Variants in ADK observed in about 807,000 individuals in gnomAD.
The protein encoded by ADK is adenosine kinase.
Under a neutral mutation model 44.7 loss-of-function variants are expected in ADK, and 24 were observed. That is an observed-to-expected ratio of 0.54 (90% CI 0.39 to 0.76). The LOEUF is 0.76. Ranked by LOEUF, ADK falls within the 30% of genes least tolerant of loss-of-function variation. The pLI, the probability that ADK is intolerant of heterozygous loss-of-function variation, is 0.00. For synonymous variants in ADK, 128 were observed against 142.6 expected, an observed-to-expected ratio of 0.90 and a Z score of 0.73; for missense variants, 321 against 425.1, an observed-to-expected ratio of 0.76 and a Z score of 2.15.
At chr10:74,214,681 G>A (rs1395331383) in intron 2 of ADK, among the ~76,000 whole-genome samples, 2 of 152,188 alleles carry the variant, frequency 1.3e-5, no homozygotes, top group Non-Finnish European at 2.9e-5. Flanking sequence ...TGAATAAAAA[G>A]TGTTTGTTTC....
intron 6 of ADK, among the ~76,000 whole-genome samples, chr10:74,480,040 C>T (rs894880945): frequency 2.0e-5 from 3 of 151,974 alleles, no homozygotes; most frequent in African/African-American, 7.2e-5. Context: ...TCAGGAAAGG[C>T]GTATGTGTAC....
intron 6 of ADK, among the ~76,000 whole-genome samples, chr10:74,406,767 G>C (rs889345220): frequency 6.6e-6 from 1 of 150,980 alleles, no homozygotes; most frequent in South Asian, 2.1e-4. Flanking sequence ...TGCAACCCCC[G>C]CCTCCTGGGT....
chr10:74,229,950 G>C (rs555703608), intron 3 of ADK, among the ~76,000 whole-genome samples: 2 of 151,962 alleles, frequency 1.3e-5, no homozygotes, highest in African/African-American at 4.8e-5. Context: ...GAGGTGGGAG[G>C]ATTGCTTGAG....
At chr10:74,456,881 A>G (rs1845969085) in intron 6 of ADK, among the ~76,000 whole-genome samples, 1 of 152,142 alleles carries the variant, frequency 6.6e-6, no homozygotes. Context: ...GAAAACTGGA[A>G]AGATCTAAAA....
intron 1 of ADK, among the ~76,000 whole-genome samples, chr10:74,157,267 G>A (rs965574927): frequency 6.6e-6 from 1 of 152,084 alleles, no homozygotes; most frequent in South Asian, 2.1e-4. Context: ...ATAAACACAC[G>A]AGGAAGACCA....
intron 9 of ADK, among the ~76,000 whole-genome samples, chr10:74,616,771 A>G (rs1852774784): frequency 6.6e-6 from 1 of 152,154 alleles, no homozygotes; most frequent in African/African-American, 2.4e-5. Context: ...ATTCCTTACT[A>G]GAGTTTTTTC....
chr10:74,501,229 G>A (rs1847874279), intron 6 of ADK, among the ~76,000 whole-genome samples: 1 of 152,166 alleles, frequency 6.6e-6, no homozygotes, highest in Admixed American at 6.5e-5. Flanking sequence ...GTTCTGTTAA[G>A]TTAAAACAGT....
chr10:74,463,043 A>G (rs1846224613), intron 6 of ADK, among the ~76,000 whole-genome samples: 1 of 152,068 alleles, frequency 6.6e-6, no homozygotes, highest in East Asian at 1.9e-4. Context: ...AATAAGCTAA[A>G]GTTCTTGAGA....
At chr10:74,162,282 G>A (rs540721942) in intron 1 of ADK, among the ~76,000 whole-genome samples, 31 of 152,266 alleles carry the variant, frequency 2.0e-4, no homozygotes, top group Non-Finnish European at 4.0e-4. Flanking sequence ...GCCTCCCAAA[G>A]TGCTGGGATT....
rs372969626 is a variant in ADK at position 74,333,630 on chromosome 10, TGA to T, written c.273+18891_273+18892del. On this transcript the variant is annotated intron_variant, in intron 4 of 10. Coordinates refer to ENST00000539909, the MANE Select transcript of ADK (RefSeq NM_006721.4). ...GTTATTTTATTTTTGATATCTTGAT[TGA>T]GAGAGCTGAAAGGCAACAGTAAGCT... is the stretch of plus-strand genomic sequence containing the variant. 3.1e-3 allele frequency among the ~76,000 whole-genome samples: 479 copies of T among 152,296 alleles called. 7 individuals are homozygous for T. The highest frequency in any genetic ancestry group is 0.018 in the East Asian group (93 of 5,192).
intron 2 of ADK, among the ~76,000 whole-genome samples, chr10:74,212,174 A>G (rs1843839231): frequency 6.6e-6 from 1 of 152,216 alleles, no homozygotes; most frequent in African/African-American, 2.4e-5. Flanking sequence ...ATGAACACAG[A>G]CTACTTTCCT....
At chr10:74,590,711 T>C (rs979424708) in intron 8 of ADK, among the ~76,000 whole-genome samples, 2 of 152,174 alleles carry the variant, frequency 1.3e-5, no homozygotes, top group Non-Finnish European at 2.9e-5. Flanking sequence ...GGTGGGTTTT[T>C]TTCTAATTTA....
chr10:74,668,079 TA>T (rs141621514), intron 9 of ADK, among the ~76,000 whole-genome samples: 230 of 152,334 alleles, frequency 1.5e-3, no homozygotes, highest in African/African-American at 5.1e-3. Context: ...TTACATAATG[TA>T]AATGTATTGT....
At chr10:74,218,518 C>T (rs557478807) in intron 2 of ADK, among the ~76,000 whole-genome samples, 8 of 152,124 alleles carry the variant, frequency 5.3e-5, no homozygotes, top group South Asian at 2.1e-4. Context: ...ATACAGAGAA[C>T]GCCACAAAGA....
intron 3 of ADK, among the ~76,000 whole-genome samples, chr10:74,249,407 A>G (rs747988152): frequency 2.2e-4 from 34 of 151,848 alleles, no homozygotes; most frequent in South Asian, 6.2e-4. Context: ...CTATGCTTCT[A>G]TTTTTCTCTG....
rs368341021 is a variant in ADK at position 74,239,683 on chromosome 10, T to C, written c.194+15092T>C. On this transcript the variant is annotated intron_variant, in intron 3 of 10. Coordinates refer to ENST00000539909, the MANE Select transcript of ADK (RefSeq NM_006721.4). ...GTGAGCCATGATTGCGCCACTGGACTCCAGCCTGGGTGAGAAAGTGAGACC... is the reference window on the plus strand; with the variant it reads ...GTGAGCCATGATTGCGCCACTGGACCCCAGCCTGGGTGAGAAAGTGAGACC... 1.1e-4 allele frequency among the ~76,000 whole-genome samples: 13 copies of C among 123,478 alleles called. No individual in the cohort carries two copies. The East Asian group carries it at 2.5e-3, about 24-fold the overall frequency. The allele number at this position is 123,478 out of a possible 152,430, so 81.0% of individuals were successfully genotyped here.
At chr10:74,478,158 C>T (rs1846928299) in intron 6 of ADK, among the ~76,000 whole-genome samples, 2 of 152,182 alleles carry the variant, frequency 1.3e-5, no homozygotes, top group Admixed American at 6.5e-5. Context: ...ATTCTACTGC[C>T]TCAGCCTCCC....
At chr10:74,168,770 A>G (rs925003401) in intron 1 of ADK, among the ~76,000 whole-genome samples, 1 of 151,176 alleles carries the variant, frequency 6.6e-6, no homozygotes, top group African/African-American at 2.4e-5. Context: ...GTGCCACCAC[A>G]CCCGGCTAAT....
intron 4 of ADK, among the ~76,000 whole-genome samples, chr10:74,317,002 T>G (rs890673274): frequency 3.3e-5 from 5 of 152,210 alleles, no homozygotes; most frequent in Non-Finnish European, 7.3e-5. Context: ...TTGGGTAACT[T>G]ATTCTGTCAG....
Sources: allele counts gnomAD v4.1 joint callset (sites outside exome capture counted in the v4.1 genomes callset), GRCh38; gene constraint gnomAD v4.1.1; transcripts MANE v1.5; gene names NCBI Gene and HGNC (gene_info 2026-07-23, HGNC 2026-07-21).